The following SNX25 variants were observed in gnomAD, a reference collection of about 807,000 sequenced individuals.
The protein encoded by SNX25 is sorting nexin 25.
A neutral mutation model predicts 113.7 loss-of-function variants in SNX25; 62 were observed. That is an observed-to-expected ratio of 0.55 (90% CI 0.44 to 0.67). The LOEUF is 0.67. Ranked by LOEUF, SNX25 falls within the 30% of genes least tolerant of loss-of-function variation. SNX25 has a pLI of 0.00. For synonymous variants in SNX25, 421 were observed against 436.2 expected, an observed-to-expected ratio of 0.97 and a Z score of 0.43; for missense variants, 1,014 against 1,161.0, an observed-to-expected ratio of 0.87 and a Z score of 1.84.
At chr4:185,241,107 T>C (rs1202169096) in intron 1 of SNX25, among the ~76,000 whole-genome samples, 1 of 151,654 alleles carries the variant, frequency 6.6e-6, no homozygotes, top group Non-Finnish European at 1.5e-5. Context: ...ATCTCGGCAC[T>C]TTGCGGGGCC....
At chr4:185,248,735 A>G (rs1259413260) in intron 2 of SNX25, among the ~76,000 whole-genome samples, 1 of 152,246 alleles carries the variant, frequency 6.6e-6, no homozygotes, top group Non-Finnish European at 1.5e-5. Context: ...TCTTAATTAT[A>G]CAATTCAGTA....
chr4:185,210,287 G>T lies in SNX25; in HGVS notation c.429+32G>T. On this transcript the variant is annotated intron_variant, in intron 1 of 18. Transcript: ENST00000652585. This position sits in a 1 kb window ranked among gnomAD's most constrained non-coding sequence, Gnocchi z 4.4. ...ACCCGACTCCTGGCCGCCCAGCTCCGCCGGCCCTCCCCGCTTCCGGTGCCA... is the reference window on the plus strand; with the variant it reads ...ACCCGACTCCTGGCCGCCCAGCTCCTCCGGCCCTCCCCGCTTCCGGTGCCA... 1 of 984,642 alleles carries T rather than the reference G, an allele frequency of 1.0e-6. No homozygotes were observed. The highest frequency in any genetic ancestry group is 1.2e-6 in the Non-Finnish European group (1 of 829,744). 61.0% of individuals were successfully genotyped at this position (984,642 alleles called of 1,614,324 possible).
At chr4:185,315,031 A>G (rs941266272) in intron 7 of SNX25, among the ~76,000 whole-genome samples, 1 of 151,286 alleles carries the variant, frequency 6.6e-6, no homozygotes, top group African/African-American at 2.4e-5. Flanking sequence ...GATCGAGACC[A>G]TCCTGGCTAA....
intron 3 of SNX25, among the ~76,000 whole-genome samples, chr4:185,263,749 A>G (rs2126537600): frequency 6.6e-6 from 1 of 152,294 alleles, no homozygotes; most frequent in South Asian, 2.1e-4. Context: ...TCTAGAACAT[A>G]TTAGAAAACG....
chr4:185,313,973 G>A (rs2095050591), intron 7 of SNX25, among the ~76,000 whole-genome samples: 2 of 152,112 alleles, frequency 1.3e-5, no homozygotes, highest in South Asian at 4.1e-4. Flanking sequence ...AGTGGAAGTG[G>A]ATCATCACAA....
chr4:185,212,463 A>ATTTGTGTGTGTG (rs143929504), intron 1 of SNX25, among the ~76,000 whole-genome samples: 4 of 119,388 alleles, frequency 3.4e-5, no homozygotes, highest in South Asian at 2.7e-4. Context: ...AATTTGTGTG[A>ATTTGTGTGTGTG]TGTGTGTGTG....
chr4:185,208,747 A>T (rs571065358), upstream of SNX25, among the ~76,000 whole-genome samples: 2 of 152,240 alleles, frequency 1.3e-5, no homozygotes, highest in East Asian at 3.9e-4. Flanking sequence ...AAAAGAAAGA[A>T]AGAAAGAATG....
At position 185,210,434 on chromosome 4, in the gene SNX25, G is replaced by GGCGGGCT. The variant is rs1356588778; in HGVS notation, c.429+180_429+186dup. On this transcript the variant is annotated intron_variant, in intron 1 of 18. Transcript: ENST00000652585. This position sits in a 1 kb window ranked among gnomAD's most constrained non-coding sequence, Gnocchi z 4.4. ...CGAGCGTTCCCCGGCGCCCGCGCGC[G>GGCGGGCT]GCGGGCTCCGGGCTCCGGGCTCCGC... Among the ~76,000 whole-genome samples, 30 of 137,468 alleles carry GGCGGGCT rather than the reference G, an allele frequency of 2.2e-4. No individual in the cohort carries two copies. The highest frequency in any genetic ancestry group is 7.2e-4 in the African/African-American group (29 of 40,398). The allele number at this position is 137,468 out of a possible 152,430, so 90.2% of individuals were successfully genotyped here.
chr4:185,211,415 A>C (rs1737772082), intron 1 of SNX25, among the ~76,000 whole-genome samples: 1 of 152,182 alleles, frequency 6.6e-6, no homozygotes, highest in Non-Finnish European at 1.5e-5. Context: ...CCACTTAGCC[A>C]TCCGTTTTTC....
intron 1 of SNX25, among the ~76,000 whole-genome samples, chr4:185,218,834 G>C (rs1360847708): frequency 6.6e-6 from 1 of 152,064 alleles, no homozygotes; most frequent in African/African-American, 2.4e-5. Flanking sequence ...CTGAATTTCT[G>C]TAGTTCTCAC....
intron 1 of SNX25, among the ~76,000 whole-genome samples, chr4:185,225,578 CTA>C (rs975064282): frequency 6.6e-5 from 10 of 152,178 alleles, no homozygotes; most frequent in African/African-American, 2.4e-4. Context: ...TCACTGTAAT[CTA>C]TGGCTATGAA....
intron 5 of SNX25, among the ~76,000 whole-genome samples, chr4:185,278,357 G>C (rs1305653178): frequency 1.3e-5 from 2 of 152,244 alleles, no homozygotes; most frequent in African/African-American, 4.8e-5. Context: ...AACAGACCTG[G>C]TTTGCATTTT....
intron 1 of SNX25, among the ~76,000 whole-genome samples, chr4:185,227,716 T>C (rs1057194715): frequency 2.0e-5 from 3 of 152,124 alleles, no homozygotes; most frequent in African/African-American, 7.2e-5. Context: ...ATGTGGTACA[T>C]GTTGGCCATG....
At chr4:185,325,028 G>A (rs2095146536) in intron 9 of SNX25, among the ~76,000 whole-genome samples, 1 of 152,144 alleles carries the variant, frequency 6.6e-6, no homozygotes, top group Admixed American at 6.5e-5. Flanking sequence ...CCCAGGAATG[G>A]GATCACCAAT....
chr4:185,365,945 T>C (rs917341567), downstream of SNX25: 4 of 152,202 alleles, frequency 2.6e-5, no homozygotes, highest in African/African-American at 9.7e-5. Flanking sequence ...GAGCAAATAC[T>C]TTTCTGCCAT....
At chr4:185,268,342 T>A (rs1748428730) in intron 5 of SNX25, among the ~76,000 whole-genome samples, 1 of 152,192 alleles carries the variant, frequency 6.6e-6, no homozygotes, top group Admixed American at 6.5e-5. Context: ...GAAAATACCA[T>A]AGGAGTATCT....
rs1175642711 is a variant in SNX25 at position 185,334,559 on chromosome 4, C to G, written c.1914+1800C>G. 1.3e-5 allele frequency among the ~76,000 whole-genome samples: 2 copies of G among 152,176 alleles called. No individual in the cohort carries two copies. The highest frequency in any genetic ancestry group is 2.9e-5 in the Non-Finnish European group (2 of 68,036). On this transcript the variant is annotated intron_variant, in intron 10 of 18. Coordinates refer to ENST00000652585, the MANE Select transcript of SNX25 (RefSeq NM_001378034.2). The surrounding 1 kb of genome is among the most constrained non-coding windows in gnomAD (Gnocchi z 4.2). Reference sequence around the variant, plus strand: ...CGCTGGCATGGCAGATAATCAGTATCTGCAATATGGCATGTTCTTTAAGAA... The same window carrying G: ...CGCTGGCATGGCAGATAATCAGTATGTGCAATATGGCATGTTCTTTAAGAA...
intron 2 of SNX25, among the ~76,000 whole-genome samples, chr4:185,256,127 A>G (rs944251592): frequency 1.3e-5 from 2 of 152,116 alleles, no homozygotes; most frequent in East Asian, 1.9e-4. Flanking sequence ...AGTGATACGG[A>G]TATTGATTCC....
intron 5 of SNX25, among the ~76,000 whole-genome samples, chr4:185,282,189 A>G (rs1019951290): frequency 2.0e-5 from 3 of 151,768 alleles, no homozygotes; most frequent in African/African-American, 7.2e-5. Flanking sequence ...AAATTACAGC[A>G]TGTGCATGTC....
Sources: allele counts gnomAD v4.1 joint callset (sites outside exome capture counted in the v4.1 genomes callset), GRCh38; gene constraint gnomAD v4.1.1; non-coding constraint Gnocchi (gnomAD v3.1); transcripts MANE v1.5; gene names NCBI Gene and HGNC (gene_info 2026-07-23, HGNC 2026-07-21).